The following FCRL2 variants were observed in gnomAD, a reference collection of about 807,000 sequenced individuals.
FCRL2 encodes the protein Fc receptor like 2.
A neutral mutation model predicts 59.8 loss-of-function variants in FCRL2; 48 were observed. The observed-to-expected ratio is 0.80, with a 90% confidence interval of 0.64 to 1.02. The LOEUF is 1.02. Among genes scored for constraint, FCRL2 ranks in the 50% least tolerant of loss-of-function variants. The probability of loss-of-function intolerance (pLI) is 0.00; values close to 1 mark genes in which losing one functional copy is unlikely to be tolerated. For missense variants in FCRL2, 658 were observed against 597.3 expected, an observed-to-expected ratio of 1.10 and a Z score of -1.06; for synonymous variants, 251 against 229.5, an observed-to-expected ratio of 1.09 and a Z score of -0.85.
intron 5 of FCRL2, 177 bp from the exon 6 acceptor site, chr1:157,767,686 A>T (rs1649627035): frequency 2.4e-5 from 38 of 1,572,938 alleles, no homozygotes; most frequent in Non-Finnish European, 3.0e-5. Flanking sequence ...TAGACGTTTG[A>T]GGGGAATATC....
Position 157,770,451 on chromosome 1 carries a change from GAA to G in FCRL2, c.266_267del (p.Phe89SerfsTer4). On this transcript the variant is annotated frameshift_variant, in exon 3 of 12. Transcript: ENST00000361516. LOFTEE classifies it high-confidence loss of function. ...NYFCSTKGQLFLWDKTSNIVK... is the reference protein window; with the variant it reads ...NYFCSTKGQLXLWDKTSNIVK... ...ACTATATTTGAAGTTTTATCCCAGA[GAA>G]AGAGTTGTCCTTTGGTACTACAGAA... is the stretch of plus-strand genomic sequence containing the variant. 1 of 1,614,080 alleles carries G rather than the reference GAA, an allele frequency of 6.2e-7. No homozygotes were observed. The highest frequency in any genetic ancestry group is 8.5e-7 in the Non-Finnish European group (1 of 1,179,964).
At chr1:157,768,086 G>T in intron 5 of FCRL2, 1 of 257,354 alleles carries the variant, frequency 3.9e-6, no homozygotes, top group Non-Finnish European at 7.3e-6. Flanking sequence ...GACATAAAAT[G>T]AAGCAGGCTG....
intron 7 of FCRL2, among the ~76,000 whole-genome samples, chr1:157,766,093 G>T (rs1649469736): frequency 6.6e-6 from 1 of 152,084 alleles, no homozygotes; most frequent in African/African-American, 2.4e-5. Flanking sequence ...ATGGATCCAG[G>T]AATTCAAGGA....
chr1:157,752,324 G>A (rs1288416270), intron 7 of FCRL2, among the ~76,000 whole-genome samples: 4 of 152,172 alleles, frequency 2.6e-5, no homozygotes, highest in African/African-American at 9.7e-5. Flanking sequence ...AAAAAGAGGA[G>A]TTTCCCTGCA....
intron 5 of FCRL2, 169 bp downstream of exon 5, chr1:157,768,245 A>T (rs765447773): frequency 2.1e-5 from 13 of 613,628 alleles, no homozygotes; most frequent in Non-Finnish European, 2.0e-5. Flanking sequence ...TTCCTTCCAC[A>T]AAAAGAAACA....
At chr1:157,764,520 G>A (rs890550281) in intron 7 of FCRL2, among the ~76,000 whole-genome samples, 3 of 152,118 alleles carry the variant, frequency 2.0e-5, no homozygotes, top group Non-Finnish European at 2.9e-5. Context: ...TACAGAATAC[G>A]CATTTTTCTC....
chr1:157,758,896 A>G (rs537589338), intron 7 of FCRL2, among the ~76,000 whole-genome samples: 1 of 152,332 alleles, frequency 6.6e-6, no homozygotes, highest in African/African-American at 2.4e-5. Flanking sequence ...TTGAAACTGG[A>G]CAACTACCTT....
intron 7 of FCRL2, among the ~76,000 whole-genome samples, chr1:157,757,488 A>T (rs1049195357): frequency 9.6e-5 from 14 of 146,198 alleles, no homozygotes; most frequent in African/African-American, 2.7e-4. Flanking sequence ...AAGTATAATT[A>T]AAAAAAAAAG....
chr1:157,758,714 G>T, intron 7 of FCRL2, among the ~76,000 whole-genome samples: 1 of 147,392 alleles, frequency 6.8e-6, no homozygotes, highest in African/African-American at 2.5e-5. Flanking sequence ...AAAGCTGGAG[G>T]GCTAACACTA....
chr1:157,770,364 C>T (rs1649903360), intron 3 of FCRL2, 45 bp downstream of exon 3: 2 of 1,590,334 alleles, frequency 1.3e-6, no homozygotes, highest in African/African-American at 1.4e-5. Context: ...TGCCTTGCTG[C>T]CGTGGTCTCT....
chr1:157,770,662 C>T lies in FCRL2; in HGVS notation c.57G>A (p.Ser19=), dbSNP rs760983637. Residue 19 remains serine, a synonymous_variant, in exon 3 of 12, where the codon TCG becomes TCA. Transcript: ENST00000361516. ...IFDAVTEQAD[S]LTLVAPSSVF... ...CAGAAGAGGGCGCCACAAGGGTCAG[C>T]GAATCTGGAAGAGAAGGAGGGAAAC... The T allele has an allele frequency of 1.4e-5, 22 of 1,613,718 alleles. No homozygotes were observed. The highest frequency in any genetic ancestry group is 1.8e-5 in the Non-Finnish European group (21 of 1,179,898).
chr1:157,774,651 T>C (rs776416152), intron 2 of FCRL2, among the ~76,000 whole-genome samples: 3 of 152,164 alleles, frequency 2.0e-5, no homozygotes, highest in Non-Finnish European at 4.4e-5. Context: ...TGATCGAGGT[T>C]TCCTCTAATT....
chr1:157,760,410 G>A (rs576359941), intron 7 of FCRL2, among the ~76,000 whole-genome samples: 2 of 151,906 alleles, frequency 1.3e-5, no homozygotes, highest in African/African-American at 4.8e-5. Context: ...ATTACTTGAG[G>A]CTAGGAGTTC....
In FCRL2 at chr1:157,768,182, G is replaced by A. The variant is rs372151445; in HGVS notation, c.883+232C>T. On this transcript the variant is annotated intron_variant, in intron 5 of 11. Transcript: ENST00000361516. Reference sequence around the variant, plus strand: ...GTAATAGATGTTTTATCATCCTATCGTAGGATTGCAAGAATGCTTATGCTT... The same window carrying A: ...GTAATAGATGTTTTATCATCCTATCATAGGATTGCAAGAATGCTTATGCTT... 48 of 499,362 alleles carry A rather than the reference G, an allele frequency of 9.6e-5. 1 individual carries two copies. The highest frequency in any genetic ancestry group is 1.4e-4 in the Non-Finnish European group (39 of 282,438). The allele number at this position is 499,362 out of a possible 1,614,324, so 30.9% of individuals were successfully genotyped here. A position where few individuals can be genotyped will look rare whatever the true frequency, so the allele number is the denominator to read the frequency against.
At chr1:157,760,509 T>A (rs1353965070) in intron 7 of FCRL2, among the ~76,000 whole-genome samples, 1 of 151,464 alleles carries the variant, frequency 6.6e-6, no homozygotes, top group Non-Finnish European at 1.5e-5. Context: ...GCACCTGTAA[T>A]CTCAGCTACC....
chr1:157,768,692 A>G lies in FCRL2; in HGVS notation c.605T>C (p.Ile202Thr), dbSNP rs16839100. 866 of 1,609,210 alleles carry G rather than the reference A, an allele frequency of 5.4e-4. No individual in the cohort carries two copies. Among genetic ancestry groups the G allele is most frequent in the Non-Finnish European group, 6.9e-4 (808 of 1,177,490 alleles). ...CCGGATCTCCAAGCTTACATTAGAG[A>G]TGGGGATTCCTAGATGGATATAAGA... The part of the protein sequence containing the change: ...QSQIHVQRIP[I>T]SNVSLEIRAP... The change falls in exon 5 of 12, where the codon ATC becomes ACC. Residue 202 changes from isoleucine to threonine, a missense_variant. By Grantham distance (89) the Ile-to-Thr change is moderately conservative (BLOSUM62 -1). Coordinates refer to ENST00000361516, the MANE Select transcript of FCRL2 (RefSeq NM_030764.4).
At chr1:157,758,153 G>A (rs1002305522) in intron 7 of FCRL2, among the ~76,000 whole-genome samples, 1 of 152,082 alleles carries the variant, frequency 6.6e-6, no homozygotes, top group African/African-American at 2.4e-5. Context: ...TAACTTTCTC[G>A]TTTTGTAAGT....
intron 4 of FCRL2, 115 bp downstream of exon 4, chr1:157,769,751 T>A (rs949367268): frequency 4.4e-6 from 6 of 1,352,194 alleles, no homozygotes; most frequent in Non-Finnish European, 1.0e-6. Flanking sequence ...TTTTCTAGCT[T>A]AATTTTCACT....
chr1:157,769,692 G>A (rs998632779), intron 4 of FCRL2, 174 bp downstream of exon 4: 4 of 621,222 alleles, frequency 6.4e-6, no homozygotes, highest in African/African-American at 5.5e-5. Context: ...CTCCCAAAGT[G>A]CTGGGATTAC....
Sources: allele counts gnomAD v4.1 joint callset (sites outside exome capture counted in the v4.1 genomes callset), GRCh38; gene constraint gnomAD v4.1.1; transcripts MANE v1.5; gene names NCBI Gene and HGNC (gene_info 2026-07-23, HGNC 2026-07-21).